The following ACOX3 variants were observed in gnomAD, a reference collection of about 807,000 sequenced individuals.
The protein encoded by ACOX3 is acyl-CoA oxidase 3, pristanoyl.
A neutral mutation model predicts 81.5 loss-of-function variants in ACOX3; 73 were observed. The ratio of observed to expected loss-of-function variants is 0.90; its 90% CI spans 0.74 to 1.09. The LOEUF (loss-of-function observed/expected upper bound fraction) is 1.09, where lower values mean the gene tolerates loss of function less well. Ranked by LOEUF, ACOX3 falls within the 50% of genes least tolerant of loss-of-function variation. ACOX3 has a pLI of 0.00. For synonymous variants in ACOX3, 387 were observed against 375.1 expected (o/e 1.03, Z -0.37); for missense variants, 947 against 928.0 (o/e 1.02, Z -0.27).
intron 13 of ACOX3, among the ~76,000 whole-genome samples, chr4:8,387,854 C>G (rs912030936): frequency 6.6e-6 from 1 of 152,224 alleles, no homozygotes; most frequent in Non-Finnish European, 1.5e-5. Flanking sequence ...CTGTAGGACA[C>G]GCAGAGCTCG....
Position 8,381,540 on chromosome 4 carries a change from T to C in ACOX3, c.1605A>G (p.Gln535=), listed in dbSNP as rs1226033689. The C allele has an allele frequency of 6.2e-7, 1 of 1,614,116 alleles. No homozygotes were observed. Among genetic ancestry groups the C allele is most frequent in the Middle Eastern group, 1.7e-4 (1 of 6,060 alleles). Residue 535 remains glutamine (Q), a synonymous_variant, in exon 14 of 18, where the codon CAA becomes CAG. Transcript: ENST00000356406. The surrounding 1 kb of genome is among the most constrained non-coding windows in gnomAD (Gnocchi z 4.3). ...LLRETYQKLN[Q]EKRSGSSDFE... ...AGTCACTGCTTCCTGATCTTTTCTC[T>C]TGGTTTAATTTTTGATAAGTCTCTC...
Position 8,370,938 on chromosome 4 carries a change from C to G in ACOX3, c.1953G>C (p.Leu651=), listed in dbSNP as rs746229801. The change falls in exon 17 of 18, where the codon CTG becomes CTC. Residue 651 remains leucine, a synonymous_variant. Transcript: ENST00000356406. This position sits in a 1 kb window ranked among gnomAD's most constrained non-coding sequence, Gnocchi z 6.3. ...CGTCGGCTCTGCCAATCGGTGAGTC[C>G]AGAACAAAGTCAGGAGGAGCGATCA... The part of the protein sequence containing the change: ...VDVIAPPDFV[L]DSPIGRADGE... The G allele has an allele frequency of 1.5e-5, 25 of 1,614,094 alleles. No individual in the cohort carries two copies. Among genetic ancestry groups the G allele is most frequent in the Non-Finnish European group, 1.9e-5 (23 of 1,180,042 alleles).
chr4:8,395,490 G>A (rs184895486), intron 9 of ACOX3, among the ~76,000 whole-genome samples: 75 of 152,350 alleles, frequency 4.9e-4, no homozygotes, highest in African/African-American at 1.5e-3. Flanking sequence ...ATGGTCTAAC[G>A]TGTCAAGAGT....
At chr4:8,429,470 T>C (rs1011436776) in intron 1 of ACOX3, among the ~76,000 whole-genome samples, 9 of 152,366 alleles carry the variant, frequency 5.9e-5, no homozygotes, top group African/African-American at 1.9e-4. Context: ...CGCGGGGCTT[T>C]GGGCGTTATC....
the ACOX3 span, among the ~76,000 whole-genome samples, chr4:8,359,963 C>A: frequency 6.6e-6 from 1 of 152,140 alleles, no homozygotes; most frequent in African/African-American, 2.4e-5. The surrounding 1 kb of genome is among the most constrained non-coding windows in gnomAD (Gnocchi z 6.0). Flanking sequence ...AGAGGAGTAC[C>A]TTAGGATAGA....
intron 15 of ACOX3, 73 bp from the exon 16 acceptor site, chr4:8,373,701 G>C (rs966665859): frequency 1.4e-6 from 2 of 1,447,570 alleles, no homozygotes; most frequent in Non-Finnish European, 1.9e-6. Context: ...CATGCCCTGA[G>C]TGCACTTTCC....
rs987462033 is a variant in ACOX3 at position 8,368,862 on chromosome 4, T to C, written c.1984-1782A>G. Among the ~76,000 whole-genome samples, 2 of 152,028 alleles carry C rather than the reference T, an allele frequency of 1.3e-5. No homozygotes were observed. Among genetic ancestry groups the C allele is most frequent in the South Asian group, 4.1e-4 (2 of 4,820 alleles). On this transcript the variant is annotated intron_variant, in intron 17 of 17. Transcript: ENST00000356406. The surrounding 1 kb of genome is among the most constrained non-coding windows in gnomAD (Gnocchi z 5.9). ...CTCTCACCTCAGTTTTTGTAATTTT[T>C]ATGGATGGGGTTTCAGTATGTTGCC...
At chr4:8,391,142 T>C (rs1248920343) in intron 11 of ACOX3, among the ~76,000 whole-genome samples, 1 of 152,218 alleles carries the variant, frequency 6.6e-6, no homozygotes, top group East Asian at 1.9e-4. Flanking sequence ...TATTCAACTA[T>C]TTATAGAATC....
intron 1 of ACOX3, chr4:8,438,660 C>T (rs1399596196): frequency 6.6e-6 from 1 of 152,136 alleles, no homozygotes; most frequent in African/African-American, 2.4e-5. Context: ...GCCTGACACC[C>T]CTTTAAATCT....
chr4:8,370,979 CT>C lies in ACOX3; in HGVS notation c.1911del (p.Val638LeufsTer4). On this transcript the variant is annotated frameshift_variant, in exon 17 of 18. Transcript: ENST00000356406. LOFTEE classifies it high-confidence loss of function. The surrounding 1 kb of genome is among the most constrained non-coding windows in gnomAD (Gnocchi z 6.3). ...GGAGCGATCACGTCTACCAGGGCAA[CT>C]GCATCGTCTTTCAGCTGTTGGAAAA... Reference protein sequence around the residue: ...LALCSQLKDDAVALVDVIAPP... With the variant: ...LALCSQLKDDXVALVDVIAPP... 6.2e-7 allele frequency: 1 copy of C among 1,614,114 alleles called. No homozygotes were observed. Among genetic ancestry groups the C allele is most frequent in the East Asian group, 2.2e-5 (1 of 44,894 alleles).
chr4:8,369,171 G>A (rs749903355), intron 17 of ACOX3, among the ~76,000 whole-genome samples: 1 of 152,128 alleles, frequency 6.6e-6, no homozygotes, highest in African/African-American at 2.4e-5. Flanking sequence ...AGGCCGCTCC[G>A]GCTTCTCCTG....
At chr4:8,383,735 C>G (rs1278526610) in intron 13 of ACOX3, among the ~76,000 whole-genome samples, 1 of 152,212 alleles carries the variant, frequency 6.6e-6, no homozygotes, top group Non-Finnish European at 1.5e-5. Context: ...CCCTTCAGGA[C>G]TTTACTGGAA....
rs62286057 is a variant in ACOX3 at position 8,435,493 on chromosome 4, C to T, written c.-15+5155G>A. Among the ~76,000 whole-genome samples the T allele has an allele frequency of 4.8e-3, 712 of 149,670 alleles. 2 individuals are homozygous for T. Among genetic ancestry groups the T allele is most frequent in the Non-Finnish European group, 7.5e-3 (506 of 67,596 alleles). Reference sequence around the variant, plus strand: ...CCTGGGCAACAGAGCGAGACTCCGTCTCAAAAAAAAGAAAAAAAAAAAAGA... The same window carrying T: ...CCTGGGCAACAGAGCGAGACTCCGTTTCAAAAAAAAGAAAAAAAAAAAAGA... On this transcript the variant is annotated intron_variant, in intron 1 of 17. Coordinates refer to ENST00000356406, the MANE Select transcript of ACOX3 (RefSeq NM_003501.3).
At chr4:8,427,329 G>T (rs142491368) in intron 1 of ACOX3, among the ~76,000 whole-genome samples, 60 of 152,306 alleles carry the variant, frequency 3.9e-4, no homozygotes, top group African/African-American at 1.4e-3. Context: ...CTGTTTTCAC[G>T]ATATTAAATC....
At chr4:8,421,083 C>T (rs893000631) in intron 1 of ACOX3, among the ~76,000 whole-genome samples, 2 of 152,180 alleles carry the variant, frequency 1.3e-5, no homozygotes, top group African/African-American at 4.8e-5. Flanking sequence ...GGAAGCGGCC[C>T]ACCACCATCT....
chr4:8,406,176 G>A lies in ACOX3; in HGVS notation c.688-133C>T. The A allele has an allele frequency of 2.6e-6, 2 of 780,944 alleles. No homozygotes were observed. The highest frequency in any genetic ancestry group is 3.0e-5 in the South Asian group (2 of 66,222). The allele number at this position is 780,944 out of a possible 1,614,324, so 48.4% of individuals were successfully genotyped here. ...CGGCTGTGGGTTAAACCATCCTCCAGAAATGATACATCCAAGTCCTAACCC... is the reference window on the plus strand; with the variant it reads ...CGGCTGTGGGTTAAACCATCCTCCAAAAATGATACATCCAAGTCCTAACCC... On this transcript the variant is annotated intron_variant, in intron 6 of 17. Coordinates refer to ENST00000356406, the MANE Select transcript of ACOX3 (RefSeq NM_003501.3). This position sits in a 1 kb window ranked among gnomAD's most constrained non-coding sequence, Gnocchi z 5.6.
chr4:8,418,652 G>A (rs1395476933), intron 1 of ACOX3, among the ~76,000 whole-genome samples: 3 of 152,096 alleles, frequency 2.0e-5, no homozygotes, highest in African/African-American at 4.8e-5. Context: ...CTGAGGTCAG[G>A]AGTTTGAGAC....
intron 1 of ACOX3, among the ~76,000 whole-genome samples, chr4:8,433,610 C>G (rs1394549420): frequency 6.6e-6 from 1 of 152,232 alleles, no homozygotes; most frequent in Non-Finnish European, 1.5e-5. Context: ...GCCAGTGTGT[C>G]TGGGAGGATA....
chr4:8,410,879 A>AGAAG (rs1175094393), intron 5 of ACOX3, among the ~76,000 whole-genome samples: 3 of 152,184 alleles, frequency 2.0e-5, no homozygotes, highest in Non-Finnish European at 4.4e-5. Flanking sequence ...TCAGAACATC[A>AGAAG]GAAGGAAGGA....
Sources: allele counts gnomAD v4.1 joint callset (sites outside exome capture counted in the v4.1 genomes callset), GRCh38; gene constraint gnomAD v4.1.1; non-coding constraint Gnocchi (gnomAD v3.1); transcripts MANE v1.5; gene names NCBI Gene and HGNC (gene_info 2026-07-23, HGNC 2026-07-21).